DPH6: variants seen among roughly 807,000 people sequenced by gnomAD.
DPH6 encodes the protein diphthine--ammonia ligase.
In DPH6, 33 loss-of-function variants were observed where a neutral mutation model predicts 38.2. The ratio of observed to expected loss-of-function variants is 0.86; its 90% confidence interval spans 0.65 to 1.15. The LOEUF is 1.15. Among genes scored for constraint, DPH6 ranks in the 50% most tolerant of loss-of-function variants. The pLI is 0.00. For synonymous variants in DPH6, 108 were observed against 103.0 expected, an observed-to-expected ratio of 1.05 and a Z score of -0.30; for missense variants, 325 against 320.0, an observed-to-expected ratio of 1.02 and a Z score of -0.12.
At chr15:35,257,843 C>A (rs2051718550) in intron 3 of DPH6, among the ~76,000 whole-genome samples, 1 of 151,318 alleles carries the variant, frequency 6.6e-6, no homozygotes, top group Admixed American at 6.6e-5. Flanking sequence ...AAGTAATTAG[C>A]AGGAAAACTT....
In DPH6 at chr15:35,436,504, C is replaced by CAAAAAA. The variant is rs371533654; in HGVS notation, c.505+14180_505+14181insTTTTTT. Among the ~76,000 whole-genome samples the CAAAAAA allele has an allele frequency of 3.0e-4, 33 of 108,214 alleles. 2 individuals carry two copies. Among genetic ancestry groups the CAAAAAA allele is most frequent in the African/African-American group, 1.2e-3 (28 of 23,002 alleles). 71.0% of individuals were successfully genotyped at this position (108,214 alleles called of 152,430 possible). On this transcript the variant is annotated intron_variant, in intron 5 of 8. Coordinates refer to ENST00000256538, the MANE Select transcript of DPH6 (RefSeq NM_080650.4). ...AAAAACAAAACAAAACAAAACAAAA[C>CAAAAAA]AAAACAAAACAAAAAAGGTTCTCTC...
intron 3 of DPH6, among the ~76,000 whole-genome samples, chr15:35,244,784 A>T (rs892283934): frequency 1.3e-5 from 2 of 152,242 alleles, no homozygotes; most frequent in African/African-American, 4.8e-5. Flanking sequence ...ATTATTAATA[A>T]TACCAGGGCT....
chr15:35,312,010 G>GAGAAAAA (rs2052146407), intron 3 of DPH6, among the ~76,000 whole-genome samples: 1 of 102,142 alleles, frequency 9.8e-6, no homozygotes, highest in Admixed American at 1.1e-4. Flanking sequence ...TTAAGAAAAT[G>GAGAAAAA]AAAAAAAAAA....
At chr15:35,189,061 C>T in the DPH6 span, among the ~76,000 whole-genome samples, 1 of 152,154 alleles carries the variant, frequency 6.6e-6, no homozygotes, top group South Asian at 2.1e-4. Context: ...AACGGTGATG[C>T]TCTTTCTTTT....
At chr15:35,445,567 C>T (rs1197423045) in intron 5 of DPH6, among the ~76,000 whole-genome samples, 3 of 151,358 alleles carry the variant, frequency 2.0e-5, no homozygotes, top group Non-Finnish European at 4.4e-5. Flanking sequence ...CCTAGAAATA[C>T]TGAAAAAATT....
At chr15:35,496,708 T>C (rs557621611) in intron 3 of DPH6, among the ~76,000 whole-genome samples, 2 of 149,808 alleles carry the variant, frequency 1.3e-5, no homozygotes, top group Admixed American at 1.3e-4. Context: ...GTGAAAAAAA[T>C]TTTCAATCTC....
intron 5 of DPH6, among the ~76,000 whole-genome samples, chr15:35,417,948 G>T (rs137960638): frequency 5.1e-4 from 77 of 151,954 alleles, no homozygotes; most frequent in African/African-American, 1.8e-3. Context: ...AAAACCTTTG[G>T]AGGAGCTATT....
the DPH6 span, among the ~76,000 whole-genome samples, chr15:35,195,306 CA>C: frequency 6.6e-6 from 1 of 152,118 alleles, no homozygotes; most frequent in Non-Finnish European, 1.5e-5. Flanking sequence ...TTTCTTTATT[CA>C]TTCATCCACT....
intron 5 of DPH6, among the ~76,000 whole-genome samples, chr15:35,450,237 T>G (rs2141078506): frequency 6.6e-6 from 1 of 152,066 alleles, no homozygotes; most frequent in African/African-American, 2.4e-5. Flanking sequence ...AACAAAACCA[T>G]CATTCTATTT....
rs894257190 is a variant in DPH6 at position 35,502,323 on chromosome 15, AAAAAG to A, written c.312+35946_312+35950del. Reference sequence around the variant, plus strand: ...GTGTTAAAATTTTCTCAAAGGCTAAAAAAAGAAAAAAGAAAGAAAGAAAAAATAAG... The same window carrying A: ...GTGTTAAAATTTTCTCAAAGGCTAAAAAAAAAGAAAGAAAGAAAAAATAAG... On this transcript the variant is annotated intron_variant, in intron 3 of 8. Coordinates refer to ENST00000256538, the MANE Select transcript of DPH6 (RefSeq NM_080650.4). Among the ~76,000 whole-genome samples the A allele has an allele frequency of 2.1e-4, 32 of 152,184 alleles. 1 individual carries two copies. Among genetic ancestry groups the A allele is most frequent in the African/African-American group, 5.8e-4 (24 of 41,556 alleles).
intron 3 of DPH6, among the ~76,000 whole-genome samples, chr15:35,354,423 T>C (rs1194309364): frequency 6.6e-6 from 1 of 152,226 alleles, no homozygotes; most frequent in Non-Finnish European, 1.5e-5. Flanking sequence ...GGGTTTGTCA[T>C]AGATAGCTCT....
downstream of DPH6, among the ~76,000 whole-genome samples, chr15:35,327,522 T>A (rs2052293744): frequency 1.3e-5 from 2 of 152,078 alleles, no homozygotes; most frequent in Admixed American, 1.3e-4. Context: ...ATTTTTTGTA[T>A]TTTTAGTAGA....
chr15:35,209,919 T>C, the DPH6 span, among the ~76,000 whole-genome samples: 1 of 152,188 alleles, frequency 6.6e-6, no homozygotes, highest in Admixed American at 6.5e-5. Context: ...ATAGATACTA[T>C]AGGTACCTTT....
At chr15:35,430,204 G>C (rs1036503347) in intron 5 of DPH6, among the ~76,000 whole-genome samples, 2 of 152,086 alleles carry the variant, frequency 1.3e-5, no homozygotes, top group Non-Finnish European at 1.5e-5. Context: ...TAATGAAGGA[G>C]GGACACAGAA....
chr15:35,250,633 C>G (rs1252512092), intron 3 of DPH6, among the ~76,000 whole-genome samples: 1 of 151,378 alleles, frequency 6.6e-6, no homozygotes, highest in East Asian at 1.9e-4. Context: ...GTATTATATA[C>G]CCAAACCATT....
chr15:35,350,663 G>A (rs1050194091), intron 3 of DPH6, among the ~76,000 whole-genome samples: 5 of 151,964 alleles, frequency 3.3e-5, no homozygotes, highest in Non-Finnish European at 5.9e-5. Flanking sequence ...AGATATTTTC[G>A]CATTTCTCTT....
At chr15:35,288,822 G>T (rs997395158) in intron 3 of DPH6, among the ~76,000 whole-genome samples, 1 of 152,120 alleles carries the variant, frequency 6.6e-6, no homozygotes, top group African/African-American at 2.4e-5. Flanking sequence ...GAAAACATTT[G>T]CCATCCCCTT....
chr15:35,303,490 A>C (rs2052067820), intron 3 of DPH6, among the ~76,000 whole-genome samples: 1 of 151,942 alleles, frequency 6.6e-6, no homozygotes, highest in Non-Finnish European at 1.5e-5. Flanking sequence ...TTAAACCTTT[A>C]AAGAAATTAC....
intron 3 of DPH6, among the ~76,000 whole-genome samples, chr15:35,535,875 T>C (rs373208579): frequency 6.6e-6 from 1 of 152,134 alleles, no homozygotes. Flanking sequence ...CCTCCAAGTC[T>C]TTCCTACTTC....
Sources: gnomAD v4.1 joint callset for allele counts (sites outside exome capture counted in the v4.1 genomes callset) on GRCh38, gnomAD v4.1.1 for gene constraint, MANE v1.5 for transcripts, NCBI Gene and HGNC (gene_info 2026-07-23, HGNC 2026-07-21) for gene names.